ST6GAL1: variants seen among roughly 807,000 people sequenced by gnomAD.
ST6GAL1 encodes the protein ST6 beta-galactoside alpha-2,6-sialyltransferase 1, also known as beta-galactoside alpha-2,6-sialyltransferase 1.
A neutral mutation model predicts 38.0 loss-of-function variants in ST6GAL1; 20 were observed. The observed-to-expected ratio is 0.53, with a 90% CI of 0.37 to 0.77. The LOEUF (loss-of-function observed/expected upper bound fraction) is 0.77. Among genes scored for constraint, ST6GAL1 ranks in the 30% least tolerant of loss-of-function variants. The pLI, the probability that ST6GAL1 is intolerant of heterozygous loss-of-function variation, is 0.00. For missense variants in ST6GAL1, 432 were observed against 496.4 expected (o/e 0.87, Z 1.23); for synonymous variants, 196 against 188.2 (o/e 1.04, Z -0.34).
intron 2 of ST6GAL1, among the ~76,000 whole-genome samples, chr3:186,972,385 A>G (rs371162410): frequency 6.6e-5 from 10 of 152,042 alleles, no homozygotes; most frequent in African/African-American, 2.2e-4. Flanking sequence ...AGTAGCTGGG[A>G]CTACAGGCAC....
chr3:186,962,916 C>T (rs1056695681), intron 1 of ST6GAL1, among the ~76,000 whole-genome samples: 7 of 152,024 alleles, frequency 4.6e-5, no homozygotes, highest in African/African-American at 7.2e-5. Flanking sequence ...CTTACTGACA[C>T]GGCACTTACT....
intron 5 of ST6GAL1, among the ~76,000 whole-genome samples, chr3:187,063,967 T>C (rs771548111): frequency 6.6e-6 from 1 of 152,092 alleles, no homozygotes; most frequent in South Asian, 2.1e-4. Context: ...CAGAGGCTGG[T>C]ATGCAGCAAG....
intron 4 of ST6GAL1, among the ~76,000 whole-genome samples, chr3:187,044,543 A>G (rs1718232812): frequency 6.6e-6 from 1 of 152,100 alleles, no homozygotes; most frequent in Non-Finnish European, 1.5e-5. Flanking sequence ...TTTTTCTTGG[A>G]CTTTGTTTTC....
chr3:187,045,078 T>C (rs1032035646), intron 4 of ST6GAL1, among the ~76,000 whole-genome samples: 1 of 152,210 alleles, frequency 6.6e-6, no homozygotes. Context: ...GCAGGCAGCG[T>C]GCCAGGCCCA....
At chr3:187,070,118 G>A (rs553599157) in intron 5 of ST6GAL1, among the ~76,000 whole-genome samples, 8 of 152,270 alleles carry the variant, frequency 5.3e-5, no homozygotes, top group African/African-American at 1.9e-4. Flanking sequence ...ATAGTTCCTG[G>A]AAGCCACACT....
intron 1 of ST6GAL1, chr3:186,931,181 G>A (rs2108510625): frequency 2.1e-3 from 1 of 474 alleles, no homozygotes; most frequent in South Asian, 0.071. Flanking sequence ...GCGCCTTGCA[G>A]AGTCTGGGTT....
In ST6GAL1 at chr3:186,991,386, G is replaced by A. The variant is rs77589462; in HGVS notation, c.-183+27460G>A. Among the ~76,000 whole-genome samples the A allele has an allele frequency of 4.9e-4, 74 of 152,238 alleles. No individual in the cohort carries two copies. The East Asian group carries it at 0.014, about 29-fold the overall frequency. On this transcript the variant is annotated intron_variant, in intron 2 of 7. Coordinates refer to ENST00000169298, the MANE Select transcript of ST6GAL1 (RefSeq NM_173216.2). ...GGAAACGGACATAGAAACTGTGAGG[G>A]GCGCTGTCTTGGGGTCTGTACAGGG...
At chr3:187,017,902 A>C (rs5001409) in intron 2 of ST6GAL1, among the ~76,000 whole-genome samples, 54,360 of 152,110 alleles carry the variant, frequency 0.36, 10,125 homozygotes, top group East Asian at 0.49. Flanking sequence ...GAGTTTGAAT[A>C]ATCAGACCCA....
At chr3:187,022,737 T>A (rs2108566374) in intron 2 of ST6GAL1, among the ~76,000 whole-genome samples, 1 of 152,316 alleles carries the variant, frequency 6.6e-6, no homozygotes, top group South Asian at 2.1e-4. Flanking sequence ...CTTTTCCAAA[T>A]ATGTCAAAGA....
chr3:187,024,056 A>G (rs191203579), intron 2 of ST6GAL1, among the ~76,000 whole-genome samples: 1 of 151,756 alleles, frequency 6.6e-6, no homozygotes, highest in East Asian at 1.9e-4. Flanking sequence ...ATATATATAC[A>G]TATATATGTT....
chr3:186,965,783 C>T (rs1270518616), intron 2 of ST6GAL1, among the ~76,000 whole-genome samples: 2 of 152,242 alleles, frequency 1.3e-5, no homozygotes, highest in Admixed American at 6.5e-5. Context: ...CTCTTCTCTT[C>T]CTCGTCCTTC....
At position 186,968,288 on chromosome 3, in the gene ST6GAL1, T is replaced by C. The variant is rs537617483; in HGVS notation, c.-183+4362T>C. Among the ~76,000 whole-genome samples, 4 of 152,272 alleles carry C rather than the reference T, an allele frequency of 2.6e-5. 1 individual carries two copies. The South Asian group carries it at 8.3e-4, about 32-fold the overall frequency. ...ACCTTGAGTGAAGATGAATAATTAT[T>C]TATATAAAGTTTTTTCCCCACAAAG... On this transcript the variant is annotated intron_variant, in intron 2 of 7. Transcript: ENST00000169298.
At chr3:187,016,137 G>A (rs1479368169) in intron 2 of ST6GAL1, among the ~76,000 whole-genome samples, 1 of 152,158 alleles carries the variant, frequency 6.6e-6, no homozygotes, top group African/African-American at 2.4e-5. Context: ...AGACCCAGCA[G>A]GTGCTTCATG....
chr3:187,010,802 C>T (rs1005818815), intron 2 of ST6GAL1, among the ~76,000 whole-genome samples: 4 of 152,216 alleles, frequency 2.6e-5, no homozygotes, highest in African/African-American at 9.6e-5. Flanking sequence ...GCGTCTATCA[C>T]CTTGTAATAG....
chr3:186,986,893 G>T (rs1227368948), intron 2 of ST6GAL1, among the ~76,000 whole-genome samples: 1 of 152,084 alleles, frequency 6.6e-6, no homozygotes, highest in African/African-American at 2.4e-5. Context: ...TTTATAGAAA[G>T]AATAGTGTCA....
At chr3:187,027,689 G>C (rs748364594) in intron 2 of ST6GAL1, among the ~76,000 whole-genome samples, 1 of 152,146 alleles carries the variant, frequency 6.6e-6, no homozygotes, top group Non-Finnish European at 1.5e-5. Context: ...TCCGGACTCA[G>C]TGCACTTCAA....
chr3:186,931,037 C>T (rs1398385456), intron 1 of ST6GAL1: 1 of 152,530 alleles, frequency 6.6e-6, no homozygotes, highest in East Asian at 1.9e-4. Context: ...TTTGTCAGGG[C>T]CAAAGGGCCA....
At chr3:186,971,063 G>A (rs73187777) in intron 2 of ST6GAL1, among the ~76,000 whole-genome samples, 219 of 152,326 alleles carry the variant, frequency 1.4e-3, no homozygotes, top group Non-Finnish European at 2.4e-3. Flanking sequence ...CCAGCATTTG[G>A]TGTTGTCACT....
chr3:186,973,464 T>A (rs970292128), intron 2 of ST6GAL1, among the ~76,000 whole-genome samples: 1 of 152,194 alleles, frequency 6.6e-6, no homozygotes, highest in African/African-American at 2.4e-5. Flanking sequence ...GCCCTCAGAT[T>A]TTCAACCCCC....
Sources: allele counts gnomAD v4.1 joint callset (sites outside exome capture counted in the v4.1 genomes callset), GRCh38; gene constraint gnomAD v4.1.1; transcripts MANE v1.5; gene names NCBI Gene and HGNC (gene_info 2026-07-23, HGNC 2026-07-21).